The following FABP12 variants were observed in gnomAD, a reference collection of about 807,000 sequenced individuals.
The protein encoded by FABP12 is fatty acid binding protein 12, also known as fatty acid-binding protein 12.
A neutral mutation model predicts 13.7 loss-of-function variants in FABP12; 19 were observed. The observed-to-expected ratio is 1.39, with a 90% CI of 0.97 to 2.04. The LOEUF (loss-of-function observed/expected upper bound fraction) is 2.04, where lower values mean the gene tolerates loss of function less well. Among genes scored for constraint, FABP12 ranks in the 30% most tolerant of loss-of-function variants. The probability of loss-of-function intolerance (pLI) is 0.00; values close to 1 mark genes in which losing one functional copy is unlikely to be tolerated. For synonymous variants in FABP12, 61 were observed against 57.0 expected, an observed-to-expected ratio of 1.07 and a Z score of -0.32; for missense variants, 182 against 164.2, an observed-to-expected ratio of 1.11 and a Z score of -0.59.
intron 1 of FABP12, among the ~76,000 whole-genome samples, chr8:81,555,218 AG>A (rs1809591694): frequency 6.6e-6 from 1 of 152,228 alleles, no homozygotes; most frequent in African/African-American, 2.4e-5. Context: ...CGGATTTGTT[AG>A]TCAAAATATA....
intron 1 of FABP12, among the ~76,000 whole-genome samples, chr8:81,576,138 G>T (rs1157227830): frequency 1.3e-5 from 2 of 152,054 alleles, no homozygotes; most frequent in Non-Finnish European, 1.5e-5. Flanking sequence ...TAAGACTAAT[G>T]ACTTTTCTCT....
chr8:81,525,089 CGTG>C (rs1467657956), exon 5 of FABP12: 2 of 1,594,370 alleles, frequency 1.3e-6, no homozygotes, highest in Non-Finnish European at 1.7e-6. Context: ...CTCGTATGTT[CGTG>C]TACAGATAAC....
chr8:81,534,975 C>T (rs561095452), upstream of FABP12, among the ~76,000 whole-genome samples: 10 of 152,222 alleles, frequency 6.6e-5, no homozygotes, highest in African/African-American at 2.4e-4. Context: ...GTGTCATTGT[C>T]TGTTCCATGC....
intron 1 of FABP12, among the ~76,000 whole-genome samples, chr8:81,588,141 G>A (rs544370183): frequency 7.2e-5 from 11 of 152,236 alleles, no homozygotes; most frequent in East Asian, 5.8e-4. Flanking sequence ...GTCCACTGAC[G>A]CAAATGTTAA....
At chr8:81,581,382 C>G (rs1810159107) in intron 1 of FABP12, among the ~76,000 whole-genome samples, 1 of 152,122 alleles carries the variant, frequency 6.6e-6, no homozygotes, top group South Asian at 2.1e-4. Context: ...AATTCCCTAC[C>G]CATGACTAAG....
intron 1 of FABP12, among the ~76,000 whole-genome samples, chr8:81,565,136 T>C (rs763175800): frequency 3.3e-5 from 5 of 151,810 alleles, no homozygotes; most frequent in Non-Finnish European, 7.4e-5. Flanking sequence ...CAAAAAGATA[T>C]AACATTTTAA....
chr8:81,536,911 C>A (rs1809235760), upstream of FABP12, among the ~76,000 whole-genome samples: 1 of 152,204 alleles, frequency 6.6e-6, no homozygotes, highest in Admixed American at 6.5e-5. Flanking sequence ...ATATGACTGG[C>A]AAAGCCTGAA....
intron 2 of FABP12, 140 bp from the exon 3 acceptor site, chr8:81,529,750 G>A (rs1367495109): frequency 1.3e-6 from 1 of 772,616 alleles, no homozygotes; most frequent in African/African-American, 1.8e-5. Context: ...TAGGAGGTTT[G>A]CGAATTGAAC....
intron 1 of FABP12, among the ~76,000 whole-genome samples, chr8:81,560,008 T>G (rs1585850620): frequency 6.6e-6 from 1 of 152,204 alleles, no homozygotes; most frequent in South Asian, 2.1e-4. Flanking sequence ...TTTCTGTCCT[T>G]CCATCCTCAT....
At chr8:81,541,129 G>A (rs1296666389) in intron 1 of FABP12, among the ~76,000 whole-genome samples, 1 of 148,660 alleles carries the variant, frequency 6.7e-6, no homozygotes, top group African/African-American at 2.5e-5. Context: ...TCACGCCACT[G>A]CACTGCAGCC....
At chr8:81,552,391 T>C (rs971135830) in intron 1 of FABP12, among the ~76,000 whole-genome samples, 2 of 152,144 alleles carry the variant, frequency 1.3e-5, no homozygotes, top group Non-Finnish European at 2.9e-5. Context: ...AGGTCACAAA[T>C]GCTTAAAAGA....
At chr8:81,542,812 C>A (rs1237036326) in intron 1 of FABP12, among the ~76,000 whole-genome samples, 5 of 152,118 alleles carry the variant, frequency 3.3e-5, no homozygotes, top group Non-Finnish European at 7.4e-5. Flanking sequence ...AAGATTTTCC[C>A]ACATTTTGAG....
intron 1 of FABP12, among the ~76,000 whole-genome samples, chr8:81,531,757 G>C (rs1266262210): frequency 6.6e-6 from 1 of 152,162 alleles, no homozygotes; most frequent in Non-Finnish European, 1.5e-5. Context: ...TTGGCTGTTT[G>C]AAGATCATTC....
At chr8:81,583,512 T>C (rs1352371595) in intron 1 of FABP12, among the ~76,000 whole-genome samples, 3 of 151,920 alleles carry the variant, frequency 2.0e-5, no homozygotes, top group African/African-American at 7.3e-5. Context: ...AAAGGAGACA[T>C]TATAACCGAT....
upstream of FABP12, among the ~76,000 whole-genome samples, chr8:81,538,413 G>A (rs1809274955): frequency 6.6e-6 from 1 of 152,170 alleles, no homozygotes; most frequent in African/African-American, 2.4e-5. Context: ...TTTAGAAATG[G>A]GATCTTTGCA....
intron 1 of FABP12, among the ~76,000 whole-genome samples, chr8:81,563,775 C>T (rs745472384): frequency 3.9e-5 from 6 of 152,082 alleles, no homozygotes; most frequent in African/African-American, 9.7e-5. Context: ...GAAAGAAACA[C>T]ACCCACAAGA....
At chr8:81,577,445 T>G (rs1810068354) in intron 1 of FABP12, among the ~76,000 whole-genome samples, 1 of 152,200 alleles carries the variant, frequency 6.6e-6, no homozygotes, top group Non-Finnish European at 1.5e-5. Context: ...TATTTAGTTA[T>G]TATATGTATC....
At chr8:81,528,520 T>C (rs1231119271) in intron 3 of FABP12, among the ~76,000 whole-genome samples, 1 of 152,242 alleles carries the variant, frequency 6.6e-6, no homozygotes, top group African/African-American at 2.4e-5. Flanking sequence ...AGTGGCATGA[T>C]AGTTCCTTTT....
chr8:81,525,715 AT>A (rs1453959026), intron 4 of FABP12: 1 of 152,218 alleles, frequency 6.6e-6, no homozygotes, highest in African/African-American at 2.4e-5. Context: ...AAGGCATACA[AT>A]TTGGAATTTA....
Sources: allele counts gnomAD v4.1 joint callset (sites outside exome capture counted in the v4.1 genomes callset), GRCh38; gene constraint gnomAD v4.1.1; transcripts MANE v1.5; gene names NCBI Gene and HGNC (gene_info 2026-07-23, HGNC 2026-07-21).